The following BANK1 variants were observed in gnomAD, a reference collection of about 807,000 sequenced individuals.
BANK1 encodes B-cell scaffold protein with ankyrin repeats.
BANK1 carries 95 observed loss-of-function variants against 94.5 expected under a neutral mutation model. The observed-to-expected ratio is 1.00, with a 90% CI of 0.85 to 1.19. The LOEUF is 1.19. Ranked by LOEUF, BANK1 falls within the 50% of genes most tolerant of loss-of-function variation. The probability of loss-of-function intolerance (pLI) is 0.00; values close to 1 mark genes in which losing one functional copy is unlikely to be tolerated. For missense variants in BANK1, 987 were observed against 932.2 expected, an observed-to-expected ratio of 1.06 and a Z score of -0.77; for synonymous variants, 334 against 308.4, an observed-to-expected ratio of 1.08 and a Z score of -0.87.
intron 7 of BANK1, among the ~76,000 whole-genome samples, chr4:101,923,438 G>T (rs1008727761): frequency 6.6e-6 from 1 of 151,720 alleles, no homozygotes; most frequent in Admixed American, 6.6e-5. Context: ...AATCAACCAT[G>T]TATCAGATCC....
At chr4:101,856,961 A>G (rs1470697061) in intron 3 of BANK1, among the ~76,000 whole-genome samples, 3 of 152,140 alleles carry the variant, frequency 2.0e-5, no homozygotes, top group Non-Finnish European at 2.9e-5. Flanking sequence ...TGTTTTCAGA[A>G]CCTAGATTTT....
chr4:101,841,045 T>A (rs1266264576), intron 2 of BANK1, among the ~76,000 whole-genome samples: 1 of 152,200 alleles, frequency 6.6e-6, no homozygotes, highest in African/African-American at 2.4e-5. Context: ...CAGGCTGGTC[T>A]CAAACTCCTG....
intron 4 of BANK1, among the ~76,000 whole-genome samples, chr4:101,863,919 G>A (rs145812591): frequency 6.6e-6 from 1 of 152,074 alleles, no homozygotes; most frequent in Non-Finnish European, 1.5e-5. Context: ...CCAAATAGCA[G>A]ATCAAGATGT....
chr4:101,958,861 A>G (rs957690078), intron 7 of BANK1, among the ~76,000 whole-genome samples: 1 of 152,202 alleles, frequency 6.6e-6, no homozygotes, highest in Non-Finnish European at 1.5e-5. Context: ...CAGTGCAGGT[A>G]TTTTGGGAAA....
chr4:101,973,200 GTTTAA>G (rs1168307559), intron 7 of BANK1, among the ~76,000 whole-genome samples: 2 of 151,958 alleles, frequency 1.3e-5, no homozygotes, highest in Non-Finnish European at 2.9e-5. Context: ...ATGTTAACTA[GTTTAA>G]TTTAATTATT....
intron 1 of BANK1, among the ~76,000 whole-genome samples, chr4:101,825,577 G>T (rs1468686043): frequency 6.6e-6 from 1 of 152,012 alleles, no homozygotes; most frequent in Non-Finnish European, 1.5e-5. Context: ...ACCCCTCTGA[G>T]CCTCGATGAG....
chr4:101,896,811 A>G (rs1273303779), intron 6 of BANK1, among the ~76,000 whole-genome samples: 2 of 151,922 alleles, frequency 1.3e-5, no homozygotes, highest in Non-Finnish European at 2.9e-5. Context: ...GATGTGCTTC[A>G]AAAAGGAAGT....
At chr4:101,882,726 C>G (rs1307600758) in intron 5 of BANK1, among the ~76,000 whole-genome samples, 1 of 152,170 alleles carries the variant, frequency 6.6e-6, no homozygotes, top group Non-Finnish European at 1.5e-5. Context: ...ATATTATCAC[C>G]AAGATCACTT....
chr4:101,815,911 T>C (rs1725896538), intron 1 of BANK1, among the ~76,000 whole-genome samples: 1 of 152,196 alleles, frequency 6.6e-6, no homozygotes. Flanking sequence ...TATTTAAAAT[T>C]AGTCCATTAG....
At chr4:102,037,797 G>A (rs370189720) in intron 10 of BANK1, among the ~76,000 whole-genome samples, 10 of 152,290 alleles carry the variant, frequency 6.6e-5, no homozygotes, top group African/African-American at 2.4e-4. Flanking sequence ...ATGTACAGTG[G>A]CCTGCACAGG....
intron 3 of BANK1, among the ~76,000 whole-genome samples, chr4:101,856,308 C>T (rs1053777604): frequency 6.6e-6 from 1 of 152,072 alleles, no homozygotes; most frequent in Non-Finnish European, 1.5e-5. Flanking sequence ...TTAGAGACCC[C>T]AGGAAACGGA....
At chr4:101,959,218 C>A (rs1308771033) in intron 7 of BANK1, among the ~76,000 whole-genome samples, 1 of 152,014 alleles carries the variant, frequency 6.6e-6, no homozygotes, top group Non-Finnish European at 1.5e-5. Flanking sequence ...CAGCTCACTG[C>A]AACCTCCACC....
intron 7 of BANK1, among the ~76,000 whole-genome samples, chr4:102,006,772 C>A (rs1313642206): frequency 6.6e-6 from 1 of 151,296 alleles, no homozygotes; most frequent in Non-Finnish European, 1.5e-5. Flanking sequence ...AATTTGCTGG[C>A]CCTTACTGTA....
intron 5 of BANK1, among the ~76,000 whole-genome samples, chr4:101,889,309 G>GT (rs1721758637): frequency 6.6e-6 from 1 of 151,110 alleles, no homozygotes; most frequent in African/African-American, 2.4e-5. Flanking sequence ...ATTTTTCTTT[G>GT]TAAGTCTTGC....
intron 6 of BANK1, among the ~76,000 whole-genome samples, chr4:101,916,564 T>C (rs1284138801): frequency 6.6e-6 from 1 of 152,042 alleles, no homozygotes; most frequent in Non-Finnish European, 1.5e-5. Flanking sequence ...TTATCAGCCA[T>C]CTTTGTAGAG....
At chr4:101,844,795 G>A (rs920023080) in intron 2 of BANK1, among the ~76,000 whole-genome samples, 230 of 152,290 alleles carry the variant, frequency 1.5e-3, no homozygotes, top group African/African-American at 5.3e-3. Flanking sequence ...TCAAAACTCA[G>A]TACTTACTAG....
At chr4:101,877,467 A>G (rs953947638) in intron 5 of BANK1, among the ~76,000 whole-genome samples, 2 of 152,254 alleles carry the variant, frequency 1.3e-5, no homozygotes, top group African/African-American at 4.8e-5. Context: ...AATAGTAACT[A>G]CAACAACTTT....
chr4:101,980,170 T>C (rs560384016), intron 7 of BANK1, among the ~76,000 whole-genome samples: 1 of 151,872 alleles, frequency 6.6e-6, no homozygotes, highest in African/African-American at 2.4e-5. Flanking sequence ...ATTAACTATT[T>C]TTTGTGGTTT....
rs895024000 is a variant in BANK1, at chr4:102,046,186, A to G, written c.1969+2279A>G. Among the ~76,000 whole-genome samples the G allele has an allele frequency of 1.6e-3, 249 of 152,008 alleles. 1 individual carries two copies. The highest frequency in any genetic ancestry group is 3.1e-3 in the Non-Finnish European group (208 of 67,968). ...TTGAGAAACCTGAGAAAAACAAGCA[A>G]TGGGGAAAGGATTCCCTATTTAATA... On this transcript the variant is annotated intron_variant, in intron 11 of 16. Coordinates refer to ENST00000322953, the MANE Select transcript of BANK1 (RefSeq NM_017935.5).
Sources: gnomAD v4.1 joint callset for allele counts (sites outside exome capture counted in the v4.1 genomes callset) on GRCh38, gnomAD v4.1.1 for gene constraint, MANE v1.5 for transcripts, NCBI Gene and HGNC (gene_info 2026-07-23, HGNC 2026-07-21) for gene names.